Variants in BTBD9 observed in about 807,000 individuals in gnomAD.
BTBD9 encodes the protein BTB domain containing 9.
In BTBD9, 49 loss-of-function variants were observed where a neutral mutation model predicts 64.3. The observed-to-expected ratio is 0.76, with a 90% CI of 0.61 to 0.97. The LOEUF is 0.97. Ranked by LOEUF, BTBD9 falls within the 50% of genes least tolerant of loss-of-function variation. BTBD9 has a pLI of 0.00. For missense variants in BTBD9, 598 were observed against 762.1 expected, an observed-to-expected ratio of 0.78 and a Z score of 2.53; for synonymous variants, 260 against 274.7, an observed-to-expected ratio of 0.95 and a Z score of 0.53.
chr6:38,218,714 C>T (rs986752175), intron 9 of BTBD9, among the ~76,000 whole-genome samples: 3 of 152,152 alleles, frequency 2.0e-5, no homozygotes, highest in African/African-American at 7.2e-5. Flanking sequence ...CAGAAGCTCA[C>T]AAGAAGGACA....
At chr6:38,467,115 A>G (rs573148177) in intron 6 of BTBD9, among the ~76,000 whole-genome samples, 1 of 152,334 alleles carries the variant, frequency 6.6e-6, no homozygotes, top group African/African-American at 2.4e-5. Context: ...AGATTTTCCT[A>G]TTTGTGGTCC....
chr6:38,205,468 T>C (rs1762604550), intron 9 of BTBD9, among the ~76,000 whole-genome samples: 1 of 152,070 alleles, frequency 6.6e-6, no homozygotes, highest in Non-Finnish European at 1.5e-5. Context: ...AAATGAAGTA[T>C]GAGAACAGAA....
chr6:38,458,104 G>C (rs770062226), intron 6 of BTBD9, among the ~76,000 whole-genome samples: 1 of 152,084 alleles, frequency 6.6e-6, no homozygotes, highest in Non-Finnish European at 1.5e-5. Context: ...CAAGCAAAAA[G>C]GAGCCCTTCA....
intron 1 of BTBD9, among the ~76,000 whole-genome samples, chr6:38,620,012 A>C (rs1253103127): frequency 6.6e-6 from 1 of 152,156 alleles, no homozygotes; most frequent in African/African-American, 2.4e-5. Flanking sequence ...AAGGGCAAAA[A>C]ATGCCTGCCC....
chr6:38,273,767 G>T (rs1765274933), intron 8 of BTBD9, among the ~76,000 whole-genome samples: 1 of 152,166 alleles, frequency 6.6e-6, no homozygotes, highest in African/African-American at 2.4e-5. Flanking sequence ...AAAAATAAGG[G>T]TATCCAAGGA....
intron 6 of BTBD9, among the ~76,000 whole-genome samples, chr6:38,531,924 C>T (rs552540505): frequency 6.6e-6 from 1 of 152,194 alleles, no homozygotes; most frequent in South Asian, 2.1e-4. Flanking sequence ...CTCCTGCTCC[C>T]ACAAGGACAC....
intron 6 of BTBD9, among the ~76,000 whole-genome samples, chr6:38,475,496 C>T (rs1036613037): frequency 6.6e-6 from 1 of 152,102 alleles, no homozygotes; most frequent in African/African-American, 2.4e-5. Context: ...CAAAGCCTGC[C>T]CTCAACATTT....
intron 1 of BTBD9, among the ~76,000 whole-genome samples, chr6:38,633,545 C>T (rs1450440639): frequency 1.3e-5 from 2 of 152,182 alleles, no homozygotes; most frequent in African/African-American, 4.8e-5. Context: ...GGGACACAGA[C>T]TGCCAGAATA....
intron 6 of BTBD9, among the ~76,000 whole-genome samples, chr6:38,436,935 G>A (rs976947303): frequency 1.3e-5 from 2 of 152,182 alleles, no homozygotes; most frequent in Non-Finnish European, 1.5e-5. Flanking sequence ...ATAGGAATAT[G>A]TATATGTGTA....
intron 8 of BTBD9, among the ~76,000 whole-genome samples, chr6:38,273,484 A>C (rs1395904967): frequency 2.0e-5 from 3 of 152,202 alleles, no homozygotes; most frequent in Non-Finnish European, 4.4e-5. Flanking sequence ...TTACACAGTC[A>C]TGCAATTCAA....
At chr6:38,498,125 A>T (rs1772035581) in intron 6 of BTBD9, among the ~76,000 whole-genome samples, 1 of 152,232 alleles carries the variant, frequency 6.6e-6, no homozygotes, top group Non-Finnish European at 1.5e-5. Context: ...ACAAATTATC[A>T]GACACAGAAA....
chr6:38,589,593 C>G (rs1425112191), intron 4 of BTBD9, among the ~76,000 whole-genome samples: 1 of 152,176 alleles, frequency 6.6e-6, no homozygotes, highest in African/African-American at 2.4e-5. Context: ...TCCTGGACCT[C>G]TCCCAACCTG....
intron 7 of BTBD9, among the ~76,000 whole-genome samples, chr6:38,313,023 C>A (rs888618626): frequency 2.0e-5 from 3 of 152,114 alleles, no homozygotes; most frequent in African/African-American, 7.2e-5. Flanking sequence ...AATATTGATT[C>A]TTTCAATCCA....
At chr6:38,455,432 A>G (rs2127343490) in intron 6 of BTBD9, among the ~76,000 whole-genome samples, 1 of 152,312 alleles carries the variant, frequency 6.6e-6, no homozygotes, top group South Asian at 2.1e-4. Flanking sequence ...AGCTTCCGGA[A>G]GTCTTGGGAT....
chr6:38,529,974 G>GTACTTTCCC (rs1773714540), intron 6 of BTBD9, among the ~76,000 whole-genome samples: 3 of 152,176 alleles, frequency 2.0e-5, no homozygotes, highest in African/African-American at 7.2e-5. Flanking sequence ...AAACGGACGT[G>GTACTTTCCC]TAAGTAGGGA....
chr6:38,359,361 G>GTC (rs1003425209), intron 6 of BTBD9, among the ~76,000 whole-genome samples: 41 of 152,100 alleles, frequency 2.7e-4, no homozygotes, highest in Admixed American at 2.5e-3. Flanking sequence ...ACACTCTTCA[G>GTC]TCTAACAGAC....
At chr6:38,233,027 AG>A (rs1468655405) in intron 9 of BTBD9, among the ~76,000 whole-genome samples, 3 of 152,148 alleles carry the variant, frequency 2.0e-5, no homozygotes, top group Non-Finnish European at 4.4e-5. Context: ...CCTTGGTGGG[AG>A]GCCTTTTCTT....
intron 6 of BTBD9, among the ~76,000 whole-genome samples, chr6:38,371,926 G>A (rs1457040064): frequency 6.6e-6 from 1 of 152,056 alleles, no homozygotes; most frequent in Non-Finnish European, 1.5e-5. Flanking sequence ...TAAAACTGAA[G>A]GGAAGATTTG....
intron 9 of BTBD9, among the ~76,000 whole-genome samples, chr6:38,221,731 G>T (rs1474053567): frequency 1.3e-5 from 2 of 152,298 alleles, no homozygotes; most frequent in East Asian, 1.9e-4. Flanking sequence ...GGTGGCTCAC[G>T]CCTGTAATCC....
Sources: allele counts gnomAD v4.1 joint callset (sites outside exome capture counted in the v4.1 genomes callset), GRCh38; gene constraint gnomAD v4.1.1; transcripts MANE v1.5; gene names NCBI Gene and HGNC (gene_info 2026-07-23, HGNC 2026-07-21).